The following ZFHX4 variants were observed in gnomAD, a reference collection of about 807,000 sequenced individuals.
ZFHX4 encodes the protein zinc finger homeobox protein 4.
ZFHX4 carries 56 observed loss-of-function variants against 267.6 expected under a neutral mutation model. That is an observed-to-expected ratio of 0.21 (90% confidence interval 0.17 to 0.26). The LOEUF (loss-of-function observed/expected upper bound fraction) is 0.26, where lower values mean the gene tolerates loss of function less well. Among genes scored for constraint, ZFHX4 ranks in the 10% least tolerant of loss-of-function variants. The pLI, the probability that ZFHX4 is intolerant of heterozygous loss-of-function variation, is 1.00. For missense variants in ZFHX4, 4,332 were observed against 4,420.0 expected, an observed-to-expected ratio of 0.98 and a Z score of 0.56; for synonymous variants, 1,778 against 1,665.6, an observed-to-expected ratio of 1.07 and a Z score of -1.64.
intron 3 of ZFHX4, among the ~76,000 whole-genome samples, chr8:76,774,744 T>C (rs560918751): frequency 2.3e-4 from 35 of 152,246 alleles, no homozygotes; most frequent in African/African-American, 8.4e-4. Context: ...CATATTCAGG[T>C]CTGTACAGTA....
intron 3 of ZFHX4, among the ~76,000 whole-genome samples, chr8:76,742,548 C>T (rs1809348049): frequency 6.6e-6 from 1 of 152,072 alleles, no homozygotes; most frequent in South Asian, 2.1e-4. Flanking sequence ...ATGCATAACT[C>T]ATTAAATCAA....
At position 76,854,797 on chromosome 8, in the gene ZFHX4, C is replaced by G; in HGVS notation, c.7876C>G (p.Leu2626Val). Residue 2626 changes from leucine (L) to valine (V), a missense_variant, in exon 10 of 11, where the codon CTG becomes GTG. Transcript: ENST00000651372. Reference sequence around the variant, plus strand: ...GGAAATACTCTATGAAAAATACTTGCTGGATTCCAATCCTACCAGAAAAAT... The same window carrying G: ...GGAAATACTCTATGAAAAATACTTGGTGGATTCCAATCCTACCAGAAAAAT... ...QLEILYEKYL[L>V]DSNPTRKMLD... 6.2e-7 allele frequency: 1 copy of G among 1,610,960 alleles called. No homozygotes were observed. The highest frequency in any genetic ancestry group is 1.7e-4 in the Middle Eastern group (1 of 6,032).
At chr8:76,695,258 C>A (rs1373360807) in intron 1 of ZFHX4, among the ~76,000 whole-genome samples, 2 of 152,134 alleles carry the variant, frequency 1.3e-5, no homozygotes, top group Admixed American at 1.3e-4. Context: ...TCATCAATTT[C>A]AAAACTGAAG....
At position 76,850,919 on chromosome 8, in the gene ZFHX4, G is replaced by A. The variant is rs1313680736; in HGVS notation, c.3998G>A (p.Gly1333Asp). 1.2e-6 allele frequency: 2 copies of A among 1,611,576 alleles called. No homozygotes were observed. Among genetic ancestry groups the A allele is most frequent in the Non-Finnish European group, 1.7e-6 (2 of 1,178,854 alleles). The change falls in exon 10 of 11, where the codon GGT (glycine) becomes GAT (aspartate). Residue 1333 changes from glycine to aspartate, a missense_variant. Around this residue, in one of 7 missense-constraint regions of ZFHX4, gnomAD observed 1,371 missense variants for 1,423.1 expected, o/e 0.96. Transcript: ENST00000651372. ...CCAATGGATGACAAAAGCATGGCAG[G>A]TCTCGAGGATTCAAAGGCTAATGTG... The part of the protein sequence containing the change: ...ESPMDDKSMA[G>D]LEDSKANVEV...
chr8:76,763,465 A>C (rs535413521), intron 3 of ZFHX4, among the ~76,000 whole-genome samples: 2 of 152,272 alleles, frequency 1.3e-5, no homozygotes, highest in Admixed American at 1.3e-4. Flanking sequence ...TCTACAAAAA[A>C]TACAAAAATT....
chr8:76,806,378 A>G (rs1411778812), intron 4 of ZFHX4, among the ~76,000 whole-genome samples: 2 of 152,104 alleles, frequency 1.3e-5, no homozygotes, highest in East Asian at 1.9e-4. Flanking sequence ...TTACTAAAGT[A>G]GTCAACATTC....
chr8:76,783,110 T>C (rs1426622301), intron 4 of ZFHX4, among the ~76,000 whole-genome samples: 1 of 152,036 alleles, frequency 6.6e-6, no homozygotes, highest in Non-Finnish European at 1.5e-5. Context: ...TGTCATGGCC[T>C]CACGAAATGG....
rs1585863381 is a variant in ZFHX4 at position 76,704,724 on chromosome 8, A to G, written c.636A>G (p.Pro212=). Residue 212 remains proline, a synonymous_variant, in exon 2 of 11, where the codon CCA becomes CCG. Coordinates refer to ENST00000651372, the MANE Select transcript of ZFHX4 (RefSeq NM_024721.5). ...GKPFTADQAF[P]NTSALAGVGP... ...CATTTACAGCCGATCAGGCTTTCCC[A>G]AATACCTCAGCATTAGCAGGAGTTG... 1.2e-6 allele frequency: 2 copies of G among 1,614,000 alleles called. No homozygotes were observed. Among genetic ancestry groups the G allele is most frequent in the Non-Finnish European group, 1.7e-6 (2 of 1,179,888 alleles).
chr8:76,821,527 A>ATT (rs75521134), intron 4 of ZFHX4, among the ~76,000 whole-genome samples: 7 of 141,192 alleles, frequency 5.0e-5, no homozygotes, highest in African/African-American at 1.5e-4. Context: ...TCTTTCTGAG[A>ATT]TTTTTTTTTT....
At chr8:76,800,597 A>G (rs1811094281) in intron 4 of ZFHX4, among the ~76,000 whole-genome samples, 2 of 152,186 alleles carry the variant, frequency 1.3e-5, no homozygotes, top group Admixed American at 1.3e-4. Flanking sequence ...TAATAAATGT[A>G]TACATCAAGG....
intron 3 of ZFHX4, among the ~76,000 whole-genome samples, chr8:76,734,618 A>G (rs915470430): frequency 6.6e-6 from 1 of 152,138 alleles, no homozygotes; most frequent in East Asian, 1.9e-4. Flanking sequence ...GCTGAGTATC[A>G]CTGGATCATT....
In ZFHX4 at chr8:76,737,136, A is replaced by G. The variant is rs574360150; in HGVS notation, c.3093+29088A>G. Among the ~76,000 whole-genome samples the G allele has an allele frequency of 3.9e-5, 6 of 152,272 alleles. No homozygotes were observed. In the South Asian group the frequency reaches 1.2e-3, roughly 32 times the overall value. On this transcript the variant is annotated intron_variant, in intron 3 of 10. Coordinates refer to ENST00000651372, the MANE Select transcript of ZFHX4 (RefSeq NM_024721.5). Reference sequence around the variant, plus strand: ...CTGCTCTGATGTTTTCCCTATCTACAATCACAGTGTTTTACGCTCTAGGTA... The same window carrying G: ...CTGCTCTGATGTTTTCCCTATCTACGATCACAGTGTTTTACGCTCTAGGTA...
At position 76,853,344 on chromosome 8, in the gene ZFHX4, A is replaced by G; in HGVS notation, c.6423A>G (p.Leu2141=). 1.2e-6 allele frequency: 2 copies of G among 1,613,738 alleles called. No individual in the cohort carries two copies. ...GGACAAGAATTACAGATGATCAGCT[A>G]AAAATCCTGAGGGCTTATTTTGACA... ...RPRTRITDDQ[L]KILRAYFDIN... The change falls in exon 10 of 11, where the codon CTA becomes CTG. Residue 2141 remains leucine, a synonymous_variant. Coordinates refer to ENST00000651372, the MANE Select transcript of ZFHX4 (RefSeq NM_024721.5).
intron 3 of ZFHX4, among the ~76,000 whole-genome samples, chr8:76,739,497 G>A (rs977099064): frequency 2.6e-4 from 39 of 152,176 alleles, no homozygotes; most frequent in Non-Finnish European, 5.1e-4. Context: ...TTCAATGATA[G>A]TGTATTTAAA....
At chr8:76,840,275 C>T (rs936847946) in intron 5 of ZFHX4, among the ~76,000 whole-genome samples, 13 of 152,100 alleles carry the variant, frequency 8.5e-5, no homozygotes, top group African/African-American at 2.9e-4. Flanking sequence ...CTTGGAGGAG[C>T]CAGGCAGTTA....
intron 3 of ZFHX4, among the ~76,000 whole-genome samples, chr8:76,754,557 TTTTAC>T (rs755127765): frequency 1.3e-5 from 2 of 152,118 alleles, no homozygotes; most frequent in Non-Finnish European, 2.9e-5. Flanking sequence ...TTGTTTTTCC[TTTTAC>T]TTTAGTTTAT....
intron 6 of ZFHX4, among the ~76,000 whole-genome samples, chr8:76,848,601 CAA>C (rs1431245979): frequency 6.6e-6 from 1 of 151,920 alleles, no homozygotes; most frequent in South Asian, 2.1e-4. Context: ...TTTTAAGTGT[CAA>C]AGAATTTTAG....
intron 4 of ZFHX4, among the ~76,000 whole-genome samples, chr8:76,828,066 A>G (rs917906584): frequency 5.3e-5 from 8 of 152,248 alleles, no homozygotes; most frequent in Admixed American, 6.5e-5. Flanking sequence ...TAGGAAAAGG[A>G]TGGAGAAGAC....
chr8:76,811,057 A>T (rs553165096), intron 4 of ZFHX4, among the ~76,000 whole-genome samples: 9 of 152,258 alleles, frequency 5.9e-5, no homozygotes, highest in Non-Finnish European at 1.2e-4. Flanking sequence ...GCAGTCCTAT[A>T]ATTTACATTG....
Sources: allele counts gnomAD v4.1 joint callset (sites outside exome capture counted in the v4.1 genomes callset), GRCh38; gene constraint gnomAD v4.1.1; regional missense constraint gnomAD v4.1.1; transcripts MANE v1.5; gene names NCBI Gene and HGNC (gene_info 2026-07-23, HGNC 2026-07-21).